The following COMMD10 variants were observed in gnomAD, a reference collection of about 807,000 sequenced individuals.
COMMD10 encodes COMM domain containing 10, also known as COMM domain-containing protein 10.
Under a neutral mutation model 28.9 loss-of-function variants are expected in COMMD10, and 33 were observed. The ratio of observed to expected loss-of-function variants is 1.14; its 90% CI spans 0.87 to 1.53. The LOEUF (loss-of-function observed/expected upper bound fraction) is 1.53, where lower values mean the gene tolerates loss of function less well. COMMD10 is among the 40% of genes most tolerant of loss of function. COMMD10 has a pLI of 0.00. For synonymous variants in COMMD10, 110 were observed against 81.7 expected (o/e 1.35, Z -1.87); for missense variants, 310 against 233.4 (o/e 1.33, Z -2.14).
intron 6 of COMMD10, among the ~76,000 whole-genome samples, chr5:116,292,096 C>T (rs907547650): frequency 6.6e-6 from 1 of 151,742 alleles, no homozygotes; most frequent in African/African-American, 2.4e-5. Context: ...CAGCCCACCA[C>T]CACTGTACCC....
chr5:116,290,266 A>G (rs1751329651), intron 5 of COMMD10, among the ~76,000 whole-genome samples: 1 of 151,924 alleles, frequency 6.6e-6, no homozygotes, highest in Non-Finnish European at 1.5e-5. Context: ...ATGATGTGTG[A>G]CAGCCAATGA....
intron 5 of COMMD10, among the ~76,000 whole-genome samples, chr5:116,162,901 C>G (rs971762421): frequency 2.6e-5 from 4 of 151,994 alleles, no homozygotes; most frequent in Admixed American, 1.3e-4. Flanking sequence ...TATTCAGAGC[C>G]CTAATATGTA....
rs1353352163 is a variant in COMMD10 at position 116,158,153 on chromosome 5, C to T, written c.510+23975C>T. Among the ~76,000 whole-genome samples, 44 of 30,480 alleles carry T rather than the reference C, an allele frequency of 1.4e-3. 3 individuals are homozygous for T. The South Asian group carries it at 0.019, about 13-fold the overall frequency. 20.0% of individuals were successfully genotyped at this position (30,480 alleles called of 152,430 possible). On this transcript the variant is annotated intron_variant, in intron 5 of 6. Transcript: ENST00000274458. ...CCCTCCCTTCCCCTCCCTCCCTTCC[C>T]CTCCCTCCCTCCTCTCCCTCCGTCT...
At chr5:116,226,503 T>C (rs1749398056) in intron 5 of COMMD10, among the ~76,000 whole-genome samples, 1 of 147,948 alleles carries the variant, frequency 6.8e-6, no homozygotes, top group Non-Finnish European at 1.5e-5. Context: ...TGTCTCTATT[T>C]AGTAGTGCAT....
chr5:116,173,533 GAA>G (rs1273342726), intron 5 of COMMD10, among the ~76,000 whole-genome samples: 1 of 152,042 alleles, frequency 6.6e-6, no homozygotes, highest in Non-Finnish European at 1.5e-5. Flanking sequence ...ATCACATTAT[GAA>G]TAGCTTTTTT....
At chr5:116,288,217 AT>A in intron 5 of COMMD10, among the ~76,000 whole-genome samples, 1 of 151,782 alleles carries the variant, frequency 6.6e-6, no homozygotes. Flanking sequence ...TTCCTGATTA[AT>A]AGTTTTTTTG....
In COMMD10 at chr5:116,134,178, G is replaced by A. The variant is rs1751955142; in HGVS notation, c.510G>A (p.Lys170=). Reference sequence around the variant, plus strand: ...TCGGAGTGAACAATGAAGATTCAAAGGTAAGAAATGGTATCCCATTAAAAG... The same window carrying A: ...TCGGAGTGAACAATGAAGATTCAAAAGTAAGAAATGGTATCCCATTAAAAG... The part of the protein sequence containing the change: ...LQLGVNNEDS[K]SLEKVLVEFS... The change falls in exon 5 of 7, where the codon AAG becomes AAA. Residue 170 remains lysine (K), a splice_region_variant and synonymous_variant. Transcript: ENST00000274458. The A allele has an allele frequency of 1.3e-6, 2 of 1,498,844 alleles. No homozygotes were observed. Among genetic ancestry groups the A allele is most frequent in the Non-Finnish European group, 1.9e-6 (2 of 1,074,458 alleles). 92.8% of individuals were successfully genotyped at this position (1,498,844 alleles called of 1,614,324 possible).
intron 5 of COMMD10, among the ~76,000 whole-genome samples, chr5:116,217,530 C>T (rs927475217): frequency 5.3e-5 from 8 of 152,146 alleles, no homozygotes; most frequent in African/African-American, 1.9e-4. Context: ...AATCTAGAAA[C>T]GGAACCACTG....
intron 4 of COMMD10, among the ~76,000 whole-genome samples, chr5:116,107,752 G>T (rs528776089): frequency 1.3e-5 from 2 of 152,080 alleles, no homozygotes; most frequent in African/African-American, 4.8e-5. Flanking sequence ...CTTTGGAGGA[G>T]AAGAGCTGTT....
chr5:116,137,256 A>T (rs571217462), intron 5 of COMMD10, among the ~76,000 whole-genome samples: 2 of 152,212 alleles, frequency 1.3e-5, no homozygotes, highest in Non-Finnish European at 2.9e-5. Context: ...TCAAATATTT[A>T]CAAATATGAA....
intron 5 of COMMD10, among the ~76,000 whole-genome samples, chr5:116,286,885 G>A (rs1580612339): frequency 2.6e-5 from 4 of 151,794 alleles, no homozygotes; most frequent in Middle Eastern, 3.4e-3. Context: ...GGTCTATAAG[G>A]TTATTCAAAT....
At chr5:116,155,837 T>C (rs1752687758) in intron 5 of COMMD10, among the ~76,000 whole-genome samples, 1 of 152,078 alleles carries the variant, frequency 6.6e-6, no homozygotes, top group Non-Finnish European at 1.5e-5. Context: ...TTAGGAGCAT[T>C]AATTATCTAT....
At chr5:116,291,822 A>G (rs1446488565) in intron 6 of COMMD10, among the ~76,000 whole-genome samples, 4 of 152,176 alleles carry the variant, frequency 2.6e-5, no homozygotes, top group African/African-American at 9.6e-5. Flanking sequence ...AATATAAAAC[A>G]TTAAGTAATG....
At chr5:116,113,114 G>C (rs1175113435) in intron 4 of COMMD10, among the ~76,000 whole-genome samples, 11 of 152,084 alleles carry the variant, frequency 7.2e-5, no homozygotes, top group Admixed American at 7.2e-4. Context: ...GCTGACAGTT[G>C]TTTTCTTTCA....
chr5:116,211,994 T>G (rs1290877725), intron 5 of COMMD10, among the ~76,000 whole-genome samples: 2 of 152,160 alleles, frequency 1.3e-5, no homozygotes, highest in Non-Finnish European at 2.9e-5. Flanking sequence ...AATACCTGCT[T>G]CTTTGTGTTG....
chr5:116,130,335 A>AT (rs1337315495), intron 4 of COMMD10, among the ~76,000 whole-genome samples: 5 of 151,928 alleles, frequency 3.3e-5, no homozygotes, highest in African/African-American at 1.2e-4. Flanking sequence ...GTTATGATAG[A>AT]TGGCAAAAAG....
At chr5:116,111,843 A>G (rs752194570) in intron 4 of COMMD10, among the ~76,000 whole-genome samples, 8 of 152,106 alleles carry the variant, frequency 5.3e-5, no homozygotes, top group Non-Finnish European at 1.0e-4. Context: ...TGTCTCAGTG[A>G]GCTGTCTAAT....
intron 5 of COMMD10, among the ~76,000 whole-genome samples, chr5:116,245,924 C>G (rs1488632740): frequency 6.6e-6 from 1 of 152,054 alleles, no homozygotes; most frequent in Non-Finnish European, 1.5e-5. Context: ...AAAATTGGCA[C>G]AAAACAAGGA....
chr5:116,235,100 CT>C (rs1164707614), intron 5 of COMMD10, among the ~76,000 whole-genome samples: 2 of 152,112 alleles, frequency 1.3e-5, no homozygotes, highest in Non-Finnish European at 2.9e-5. Flanking sequence ...TATATATATA[CT>C]TTTACCACTT....
Sources: gnomAD v4.1 joint callset for allele counts (sites outside exome capture counted in the v4.1 genomes callset) on GRCh38, gnomAD v4.1.1 for gene constraint, MANE v1.5 for transcripts, NCBI Gene and HGNC (gene_info 2026-07-23, HGNC 2026-07-21) for gene names.